Variants in KCNN2 observed in about 807,000 individuals in gnomAD.
KCNN2 encodes the protein potassium calcium-activated channel subfamily N member 2, also known as small conductance calcium-activated potassium channel protein 2.
A neutral mutation model predicts 55.5 loss-of-function variants in KCNN2; 24 were observed. That is an observed-to-expected ratio of 0.43 (90% CI 0.31 to 0.61). KCNN2 has a LOEUF of 0.61. KCNN2 is among the 20% of genes least tolerant of loss of function. The pLI, the probability that KCNN2 is intolerant of heterozygous loss-of-function variation, is 0.08. For missense variants in KCNN2, 754 were observed against 853.6 expected, an observed-to-expected ratio of 0.88 and a Z score of 1.45; for synonymous variants, 431 against 336.1, an observed-to-expected ratio of 1.28 and a Z score of -3.09.
chr5:114,361,355 C>T, upstream of KCNN2, among the ~76,000 whole-genome samples: 1 of 152,170 alleles, frequency 6.6e-6, no homozygotes, highest in Non-Finnish European at 1.5e-5. Context: ...GATTCCAGAG[C>T]CTGCCGGCTG....
At position 114,278,422 on chromosome 5, in the gene KCNN2, G is replaced by C. The variant is rs141533924; in HGVS notation, c.-185+56857G>C. Among the ~76,000 whole-genome samples, 69 of 152,370 alleles carry C rather than the reference G, an allele frequency of 4.5e-4. No individual in the cohort carries two copies. In the East Asian group the frequency reaches 8.3e-3, roughly 18 times the overall value. On this transcript the variant is annotated intron_variant, in intron 2 of 10. Coordinates refer to the KCNN2 transcript ENST00000512097. ...ACATTTAAGTCTGGAGAAGCTGTCT[G>C]CTGTCTTTTGTTCAGATATGCCCTG...
At chr5:114,387,898 A>G (rs1580779096) in intron 2 of KCNN2, among the ~76,000 whole-genome samples, 1 of 152,324 alleles carries the variant, frequency 6.6e-6, no homozygotes, top group East Asian at 1.9e-4. Context: ...TCATAGGAGA[A>G]AAAGAATATT....
chr5:114,402,728 G>A (rs1758824397), intron 2 of KCNN2, among the ~76,000 whole-genome samples: 1 of 152,230 alleles, frequency 6.6e-6, no homozygotes, highest in African/African-American at 2.4e-5. Flanking sequence ...ATGATCACAA[G>A]GTGACTCTGA....
chr5:114,181,610 T>A (rs182073348), intron 1 of KCNN2, among the ~76,000 whole-genome samples: 10 of 152,360 alleles, frequency 6.6e-5, no homozygotes, highest in African/African-American at 1.9e-4. Flanking sequence ...TCAATTTTTT[T>A]ATTTTGTGAT....
rs956448352 is a variant in KCNN2 at position 114,160,680 on chromosome 5, G to T, written c.-270-60800G>T. Among the ~76,000 whole-genome samples the T allele has an allele frequency of 5.3e-5, 8 of 152,252 alleles. No individual in the cohort carries two copies. The East Asian group carries it at 1.2e-3, about 22-fold the overall frequency. On this transcript the variant is annotated intron_variant, in intron 1 of 10. Transcript: ENST00000512097. The stretch of plus-strand genomic sequence containing the variant: ...CACTAAGGACTTGCTTTATGAATCT[G>T]GGTGCTCCTGTATTGGGTGCATATA...
chr5:114,100,931 TA>T (rs1387920317), intron 1 of KCNN2, among the ~76,000 whole-genome samples: 2 of 151,782 alleles, frequency 1.3e-5, no homozygotes, highest in African/African-American at 4.8e-5. Context: ...ATTTTATATA[TA>T]ATTATTAATA....
At chr5:114,091,404 G>C (rs967067109) in intron 1 of KCNN2, among the ~76,000 whole-genome samples, 1 of 152,126 alleles carries the variant, frequency 6.6e-6, no homozygotes, top group African/African-American at 2.4e-5. Context: ...TATCCAAATT[G>C]ATTAGAGTAG....
intron 2 of KCNN2, among the ~76,000 whole-genome samples, chr5:114,343,813 T>A (rs925470807): frequency 6.6e-6 from 1 of 152,018 alleles, no homozygotes; most frequent in Non-Finnish European, 1.5e-5. Flanking sequence ...CCATCTGCTT[T>A]TTGTATAAAG....
At chr5:114,264,188 T>C (rs1297131230) in intron 2 of KCNN2, among the ~76,000 whole-genome samples, 1 of 152,226 alleles carries the variant, frequency 6.6e-6, no homozygotes, top group African/African-American at 2.4e-5. Context: ...TTTTCCATCC[T>C]TTCCATCATT....
At chr5:114,381,199 A>G (rs1262441477) in intron 2 of KCNN2, among the ~76,000 whole-genome samples, 4 of 152,196 alleles carry the variant, frequency 2.6e-5, no homozygotes, top group Admixed American at 2.0e-4. Context: ...TTTTTCTGCC[A>G]TAATGTTCTG....
At chr5:114,334,683 T>TA (rs1252124306) in intron 2 of KCNN2, among the ~76,000 whole-genome samples, 1 of 152,016 alleles carries the variant, frequency 6.6e-6, no homozygotes, top group Non-Finnish European at 1.5e-5. Context: ...TCCAAACACT[T>TA]AAAAAAATCA....
intron 2 of KCNN2, among the ~76,000 whole-genome samples, chr5:114,373,658 A>ATATATATATATATATATATATAT (rs1554084191): frequency 1.2e-3 from 121 of 104,400 alleles, no homozygotes; most frequent in Non-Finnish European, 1.7e-3. Context: ...ATATATATAT[A>ATATATATATATATATATATATAT]AAATTACTTG....
At chr5:114,435,483 T>A (rs1373129866) in intron 3 of KCNN2, among the ~76,000 whole-genome samples, 1 of 152,182 alleles carries the variant, frequency 6.6e-6, no homozygotes, top group Non-Finnish European at 1.5e-5. Flanking sequence ...AAAAATAATG[T>A]TTCTAGACTT....
At chr5:114,340,087 T>C (rs1425994598) in intron 2 of KCNN2, among the ~76,000 whole-genome samples, 1 of 152,214 alleles carries the variant, frequency 6.6e-6, no homozygotes, top group East Asian at 1.9e-4. Flanking sequence ...GAATGCTTTC[T>C]ATTACACAAT....
At chr5:114,368,621 C>T (rs999355021) in intron 2 of KCNN2, among the ~76,000 whole-genome samples, 3 of 152,176 alleles carry the variant, frequency 2.0e-5, no homozygotes. Flanking sequence ...GCAGAAAATA[C>T]TGCATATAGT....
intron 5 of KCNN2, among the ~76,000 whole-genome samples, chr5:114,483,273 C>CTT (rs34472228): frequency 7.4e-5 from 8 of 107,982 alleles, no homozygotes; most frequent in Non-Finnish European, 1.2e-4. Context: ...TTCTTTCTTT[C>CTT]TTTTTTTTTT....
At chr5:114,386,192 A>G (rs1758280330) in intron 2 of KCNN2, among the ~76,000 whole-genome samples, 1 of 151,688 alleles carries the variant, frequency 6.6e-6, no homozygotes, top group African/African-American at 2.4e-5. Flanking sequence ...AAAAAAAAAA[A>G]AAAAAAAAAA....
At chr5:114,431,525 G>C (rs1175523387) in intron 3 of KCNN2, among the ~76,000 whole-genome samples, 1 of 151,846 alleles carries the variant, frequency 6.6e-6, no homozygotes, top group African/African-American at 2.4e-5. Context: ...TCTTTTCAAA[G>C]AACTAGCTTT....
rs572039576 is a variant in KCNN2 at position 114,241,183 on chromosome 5, T to C, written c.-185+19618T>C. On this transcript the variant is annotated intron_variant, in intron 2 of 10. Coordinates refer to the KCNN2 transcript ENST00000512097. ...AAAGAAGACTCAAACAGTAAATGTC[T>C]GGATAAAATAACTCTAATGTCACAA... Among the ~76,000 whole-genome samples, 3 of 151,944 alleles carry C rather than the reference T, an allele frequency of 2.0e-5. 1 individual carries two copies. In the South Asian group the frequency reaches 6.2e-4, roughly 32 times the overall value.
Sources: gnomAD v4.1 joint callset for allele counts (sites outside exome capture counted in the v4.1 genomes callset) on GRCh38, gnomAD v4.1.1 for gene constraint, MANE v1.5 for transcripts, NCBI Gene and HGNC (gene_info 2026-07-23, HGNC 2026-07-21) for gene names.